CADM2: variants seen among roughly 807,000 people sequenced by gnomAD.
CADM2 encodes the protein immunoglobulin superfamily member 4D.
In CADM2, 12 loss-of-function variants were observed where a neutral mutation model predicts 49.8. That is an observed-to-expected ratio of 0.24 (90% CI 0.15 to 0.39). The LOEUF is 0.39. Ranked by LOEUF, CADM2 falls within the 10% of genes least tolerant of loss-of-function variation. The pLI is 1.00. For missense variants in CADM2, 378 were observed against 492.3 expected, an observed-to-expected ratio of 0.77 and a Z score of 2.20; for synonymous variants, 214 against 175.4, an observed-to-expected ratio of 1.22 and a Z score of -1.74.
intron 8 of CADM2, among the ~76,000 whole-genome samples, chr3:85,987,025 A>G (rs1728201203): frequency 6.6e-6 from 1 of 152,154 alleles, no homozygotes; most frequent in Non-Finnish European, 1.5e-5. Flanking sequence ...ATCAACATAT[A>G]TAACATATCA....
At chr3:85,260,277 A>G (rs1316855318) in intron 1 of CADM2, among the ~76,000 whole-genome samples, 1 of 152,060 alleles carries the variant, frequency 6.6e-6, no homozygotes, top group Non-Finnish European at 1.5e-5. Context: ...CAGTGATTAT[A>G]ATTATTTTGA....
At chr3:85,034,222 C>T (rs1344733056) in intron 1 of CADM2, among the ~76,000 whole-genome samples, 1 of 152,098 alleles carries the variant, frequency 6.6e-6, no homozygotes, top group Non-Finnish European at 1.5e-5. Context: ...AGGTCTTATT[C>T]ATTCTATCTA....
intron 1 of CADM2, among the ~76,000 whole-genome samples, chr3:85,471,590 C>A (rs1296735659): frequency 2.6e-5 from 4 of 151,914 alleles, no homozygotes; most frequent in African/African-American, 9.7e-5. Context: ...TTTCCTAAGA[C>A]TTTTCATCTT....
chr3:85,386,089 A>G (rs2034212258), intron 1 of CADM2, among the ~76,000 whole-genome samples: 1 of 152,128 alleles, frequency 6.6e-6, no homozygotes, highest in African/African-American at 2.4e-5. Context: ...CCCTAACTAC[A>G]TACTACTTTA....
chr3:85,875,499 A>G (rs146211527), intron 3 of CADM2, among the ~76,000 whole-genome samples: 1 of 152,296 alleles, frequency 6.6e-6, no homozygotes, highest in African/African-American at 2.4e-5. Context: ...TATTTGACTT[A>G]GTTTTCCTAT....
At chr3:85,943,502 T>A (rs1201411733) in intron 7 of CADM2, among the ~76,000 whole-genome samples, 1 of 150,870 alleles carries the variant, frequency 6.6e-6, no homozygotes, top group Non-Finnish European at 1.5e-5. Flanking sequence ...CATCTTGAAT[T>A]GATTTTTGTA....
intron 3 of CADM2, among the ~76,000 whole-genome samples, chr3:85,878,429 A>C (rs551274019): frequency 1.3e-5 from 2 of 152,292 alleles, no homozygotes; most frequent in South Asian, 4.1e-4. Context: ...TAATCATAGA[A>C]ACAACTGAAA....
intron 1 of CADM2, among the ~76,000 whole-genome samples, chr3:85,555,485 T>C (rs903555897): frequency 3.9e-5 from 6 of 152,164 alleles, no homozygotes; most frequent in Non-Finnish European, 5.9e-5. Context: ...TGTGATTTCA[T>C]TGGTTTAATT....
At chr3:85,363,777 A>G (rs1159580124) in intron 1 of CADM2, among the ~76,000 whole-genome samples, 2 of 149,232 alleles carry the variant, frequency 1.3e-5, no homozygotes, top group Admixed American at 1.3e-4. Context: ...GCGCCCGGCT[A>G]ATTTTTTGTA....
In CADM2 at chr3:86,023,351, T is replaced by G. The variant is rs560519105; in HGVS notation, c.971-42254T>G. Among the ~76,000 whole-genome samples, 4 of 117,602 alleles carry G rather than the reference T, an allele frequency of 3.4e-5. No individual in the cohort carries two copies. In the South Asian group the frequency reaches 1.2e-3, roughly 34 times the overall value. The allele number at this position is 117,602 out of a possible 152,430, so 77.2% of individuals were successfully genotyped here. ...CAAAAACAGTTCTCCAGAATGAGGTTTTTTGTTTGTTTGTTTGTTTGTTTT... is the reference window on the plus strand; with the variant it reads ...CAAAAACAGTTCTCCAGAATGAGGTGTTTTGTTTGTTTGTTTGTTTGTTTT... On this transcript the variant is annotated intron_variant, in intron 8 of 9. Transcript: ENST00000383699.
intron 8 of CADM2, among the ~76,000 whole-genome samples, chr3:85,986,942 G>A (rs1577870841): frequency 6.6e-6 from 1 of 151,972 alleles, no homozygotes; most frequent in Non-Finnish European, 1.5e-5. Flanking sequence ...GTATCAAGTT[G>A]TGTTATTTCA....
chr3:85,375,694 T>A (rs923877113), intron 1 of CADM2, among the ~76,000 whole-genome samples: 1 of 152,140 alleles, frequency 6.6e-6, no homozygotes, highest in Admixed American at 6.6e-5. Flanking sequence ...TTCAACTGAT[T>A]TCTTGTGTAT....
intron 8 of CADM2, among the ~76,000 whole-genome samples, chr3:85,966,632 A>G (rs1043421051): frequency 4.0e-5 from 6 of 151,642 alleles, no homozygotes; most frequent in African/African-American, 1.4e-4. Context: ...CATGTAAGAT[A>G]AGTAAAATCT....
Position 85,080,019 on chromosome 3 carries a change from G to C in CADM2, c.61+120351G>C, listed in dbSNP as rs149265364. 1.3e-5 allele frequency among the ~76,000 whole-genome samples: 2 copies of C among 151,904 alleles called. 1 individual carries two copies. The highest frequency in any genetic ancestry group is 2.9e-5 in the Non-Finnish European group (2 of 67,860). ...AAATAAACTTTAGAGGTAATAGTAAGTATTGAAGTGTCAAGAAAAAAAACT... is the reference window on the plus strand; with the variant it reads ...AAATAAACTTTAGAGGTAATAGTAACTATTGAAGTGTCAAGAAAAAAAACT... On this transcript the variant is annotated intron_variant, in intron 1 of 9. Transcript: ENST00000383699.
intron 3 of CADM2, among the ~76,000 whole-genome samples, chr3:85,824,670 T>C (rs1399533626): frequency 2.0e-5 from 3 of 152,020 alleles, no homozygotes; most frequent in African/African-American, 7.2e-5. Flanking sequence ...GTCCCTAAAA[T>C]TGCCCCCAAG....
At chr3:85,516,196 A>G (rs2060898746) in intron 1 of CADM2, among the ~76,000 whole-genome samples, 1 of 152,162 alleles carries the variant, frequency 6.6e-6, no homozygotes, top group African/African-American at 2.4e-5. Flanking sequence ...AGTTCTCCTA[A>G]TGCAGATCCT....
chr3:85,502,777 G>T (rs1160877753), intron 1 of CADM2, among the ~76,000 whole-genome samples: 2 of 152,156 alleles, frequency 1.3e-5, no homozygotes, highest in East Asian at 3.9e-4. Flanking sequence ...GAAAGGAAAT[G>T]AGAGCTAACT....
rs3086193 is a variant in CADM2 at position 85,564,167 on chromosome 3, T to TTCTCTCTC, written c.62-162330_62-162323dup. 3.8e-3 allele frequency among the ~76,000 whole-genome samples: 567 copies of TTCTCTCTC among 149,680 alleles called. 3 individuals carry two copies. Among genetic ancestry groups the TTCTCTCTC allele is most frequent in the South Asian group, 0.02 (96 of 4,736 alleles). ...CAAGTAAATAATTTAGAAAGCATGA[T>TTCTCTCTC]TCTCTCTCTCTCTCTCTCTCTCTCT... On this transcript the variant is annotated intron_variant, in intron 1 of 9. Transcript: ENST00000383699.
chr3:85,713,180 C>T (rs1402120706), intron 1 of CADM2, among the ~76,000 whole-genome samples: 1 of 152,168 alleles, frequency 6.6e-6, no homozygotes, highest in African/African-American at 2.4e-5. Flanking sequence ...TCACTGCAAC[C>T]TCCGCCTCCC....
Sources: allele counts gnomAD v4.1 joint callset (sites outside exome capture counted in the v4.1 genomes callset), GRCh38; gene constraint gnomAD v4.1.1; transcripts MANE v1.5; gene names NCBI Gene and HGNC (gene_info 2026-07-23, HGNC 2026-07-21).